Variants in BRAT1 observed in about 807,000 individuals in gnomAD.
The protein encoded by BRAT1 is integrator complex assembly factor BRAT1.
In BRAT1, 74 loss-of-function variants were observed where a neutral mutation model predicts 70.6. That is an observed-to-expected ratio of 1.05 (90% CI 0.87 to 1.27). BRAT1 has a LOEUF of 1.27. BRAT1 is among the 50% of genes most tolerant of loss of function. BRAT1 has a pLI of 0.00. For synonymous variants in BRAT1, 615 were observed against 517.1 expected, an observed-to-expected ratio of 1.19 and a Z score of -2.57; for missense variants, 1,203 against 1,098.2, an observed-to-expected ratio of 1.10 and a Z score of -1.35.
At position 2,542,447 on chromosome 7, in the gene BRAT1, G is replaced by A. The variant is rs77542618; in HGVS notation, c.924-236C>T. The A allele has an allele frequency of 0.039, 22,194 of 564,558 alleles. 604 individuals carry two copies. The highest frequency in any genetic ancestry group is 0.08 in the South Asian group (3,956 of 49,152). The allele number at this position is 564,558 out of a possible 1,614,324, so 35.0% of individuals were successfully genotyped here. ...ATGTCCTTAGGAGCAGATACTGAGG[G>A]GCCTCCAGGAGGGCCTGGCCATGCA... On this transcript the variant is annotated intron_variant, in intron 6 of 13. Coordinates refer to ENST00000340611, the MANE Select transcript of BRAT1 (RefSeq NM_152743.4).
Position 2,547,359 on chromosome 7 carries a change from A to G in BRAT1, c.247T>C (p.Phe83Leu), listed in dbSNP as rs1779690981. 1 of 1,614,116 alleles carries G rather than the reference A, an allele frequency of 6.2e-7. No individual in the cohort carries two copies. The highest frequency in any genetic ancestry group is 8.5e-7 in the Non-Finnish European group (1 of 1,180,006). ...LSFSLRLAGT[F>L]AAQENCFQYL... Reference sequence around the variant, plus strand: ...TGGAAGCAGTTTTCCTGGGCTGCGAAGGTTCCTGCCAGGCGCAGTGAGAAG... The same window carrying G: ...TGGAAGCAGTTTTCCTGGGCTGCGAGGGTTCCTGCCAGGCGCAGTGAGAAG... Residue 83 changes from phenylalanine to leucine, a missense_variant, in exon 3 of 14, where the codon TTC becomes CTC. Transcript: ENST00000340611.
At chr7:2,551,682 A>G (rs1232128112) in intron 2 of BRAT1, among the ~76,000 whole-genome samples, 2 of 150,008 alleles carry the variant, frequency 1.3e-5, no homozygotes, top group Non-Finnish European at 3.0e-5. Flanking sequence ...CCTGGCTCAA[A>G]AAAAAAAAAA....
chr7:2,541,280 C>T lies in BRAT1; in HGVS notation c.1321+18G>A, dbSNP rs62442586. ...CACAGGGATAGCCCCACGCCAAAGC[C>T]GTACAGAACACACTCACCTGTCCCC... On this transcript the variant is annotated intron_variant, in intron 9 of 13. Transcript: ENST00000340611. 0.15 allele frequency: 237,376 copies of T among 1,553,632 alleles called. 20,044 individuals are homozygous for T. The highest frequency in any genetic ancestry group is 0.18 in the Admixed American group (9,536 of 52,590).
intron 11 of BRAT1, 46 bp downstream of exon 11, chr7:2,539,740 C>T (rs375052234): frequency 7.3e-5 from 114 of 1,567,666 alleles, no homozygotes; most frequent in Non-Finnish European, 9.5e-5. Context: ...GCTGCCTCCA[C>T]CCCTGCGACT....
At position 2,543,214 on chromosome 7, in the gene BRAT1, G is replaced by A. The variant is rs570920491; in HGVS notation, c.913C>T (p.Leu305Phe). Residue 305 changes from leucine to phenylalanine, a missense_variant, in exon 6 of 14, where the codon CTC (leucine) becomes TTC (phenylalanine). Transcript: ENST00000340611. The surrounding 1 kb of genome is among the most constrained non-coding windows in gnomAD (Gnocchi z 5.5). ...MGPLALGILK[L>F]EHCPQALRTQ... ...CACCCCAGACCATACCAGTGCTCGA[G>A]CTTCAGGATCCCCAAAGCCAGGGGT... is the stretch of plus-strand genomic sequence containing the variant. 1 of 1,605,982 alleles carries A rather than the reference G, an allele frequency of 6.2e-7. No homozygotes were observed. The highest frequency in any genetic ancestry group is 8.5e-7 in the Non-Finnish European group (1 of 1,176,398).
intron 11 of BRAT1, 66 bp downstream of exon 11, chr7:2,539,720 C>T (rs1447097855): frequency 1.3e-6 from 2 of 1,554,626 alleles, no homozygotes; most frequent in African/African-American, 2.7e-5. Context: ...AGCCATTCCA[C>T]CCAGCCCCTG....
rs758308165 is a variant in BRAT1 at position 2,538,662 on chromosome 7, C to T, written c.1873G>A (p.Ala625Thr). Residue 625 changes from alanine (A) to threonine (T), a missense_variant, in exon 14 of 14, where the codon GCC (alanine) becomes ACC (threonine). Coordinates refer to ENST00000340611, the MANE Select transcript of BRAT1 (RefSeq NM_152743.4). ...VFTEWLRDGHADAAQDTEQFV... is the reference protein window; with the variant it reads ...VFTEWLRDGHTDAAQDTEQFV... ...TGCTCCGTGTCCTGGGCCGCGTCGG[C>T]GTGGCCGTCCCGCAGCCACTCAGTG... The T allele has an allele frequency of 5.6e-6, 9 of 1,598,322 alleles. No homozygotes were observed. The highest frequency in any genetic ancestry group is 4.5e-5 in the East Asian group (2 of 44,856).
chr7:2,542,843 C>G (rs929290839), intron 6 of BRAT1: 2 of 178,692 alleles, frequency 1.1e-5, no homozygotes, highest in East Asian at 3.3e-4. Flanking sequence ...GCCCCCCACC[C>G]GCATGGTGTG....
At position 2,539,168 on chromosome 7, in the gene BRAT1, C is replaced by T; in HGVS notation, c.1770+11G>A. ...CGGGAGTTGCTGGCTGAGGAACCTG[C>T]CACCTCCTACCTGCCGGGCCTCTGC... On this transcript the variant is annotated intron_variant, in intron 13 of 13. Coordinates refer to ENST00000340611, the MANE Select transcript of BRAT1 (RefSeq NM_152743.4). 6.3e-7 allele frequency: 1 copy of T among 1,585,448 alleles called. No individual in the cohort carries two copies. The highest frequency in any genetic ancestry group is 8.6e-7 in the Non-Finnish European group (1 of 1,162,528).
At position 2,542,134 on chromosome 7, in the gene BRAT1, G is replaced by T; in HGVS notation, c.1001C>A (p.Ala334Asp). Residue 334 changes from alanine (A) to aspartate (D), a missense_variant, in exon 7 of 14, where the codon GCC (alanine) becomes GAC (aspartate). Transcript: ENST00000340611. ...AAGCAGCACACCTGGGGGTCCGGGG[G>T]CCTGAACCGTGGCCTTCAGGACACA... ...LACVLKATVQ[A>D]PGPPGLLDGT... 1 of 1,561,742 alleles carries T rather than the reference G, an allele frequency of 6.4e-7. No individual in the cohort carries two copies.
In BRAT1 at chr7:2,537,870, C is replaced by A; in HGVS notation, c.*199G>T. 2 of 853,912 alleles carry A rather than the reference C, an allele frequency of 2.3e-6. No individual in the cohort carries two copies. The highest frequency in any genetic ancestry group is 1.7e-5 in the African/African-American group (1 of 57,676). 52.9% of individuals were successfully genotyped at this position (853,912 alleles called of 1,614,324 possible). On this transcript the variant is annotated 3_prime_UTR_variant, in exon 14 of 14. Coordinates refer to ENST00000340611, the MANE Select transcript of BRAT1 (RefSeq NM_152743.4). ...AAAGGGTTAAAGAAAGACTTCAATG[C>A]CATTTATTTTGAGTAGAAATAAGTC...
chr7:2,544,777 T>C, intron 4 of BRAT1, 132 bp downstream of exon 4: 1 of 1,361,716 alleles, frequency 7.3e-7, no homozygotes, highest in Non-Finnish European at 9.8e-7. Flanking sequence ...ACAGCCGTAC[T>C]GTCACAGTGC....
At chr7:2,545,967 G>A (rs1341872420) in intron 3 of BRAT1, among the ~76,000 whole-genome samples, 1 of 152,242 alleles carries the variant, frequency 6.6e-6, no homozygotes, top group Non-Finnish European at 1.5e-5. Flanking sequence ...AACGGTACTG[G>A]ATGTGCCTTC....
In BRAT1 at chr7:2,543,125, T is replaced by A; in HGVS notation, c.923+79A>T. ...CCTGGTGTCCGGAACTCCCCTGCCA[T>A]GAGGGCTGCGCTCTCAACCTCCCTG... On this transcript the variant is annotated intron_variant, in intron 6 of 13. Coordinates refer to ENST00000340611, the MANE Select transcript of BRAT1 (RefSeq NM_152743.4). The surrounding 1 kb of genome is among the most constrained non-coding windows in gnomAD (Gnocchi z 5.5). 6.8e-7 allele frequency: 1 copy of A among 1,465,642 alleles called. No individual in the cohort carries two copies. Among genetic ancestry groups the A allele is most frequent in the Non-Finnish European group, 9.1e-7 (1 of 1,104,692 alleles). 90.8% of individuals were successfully genotyped at this position (1,465,642 alleles called of 1,614,324 possible).
chr7:2,543,120 T>G lies in BRAT1; in HGVS notation c.923+84A>C. 2 of 1,455,000 alleles carry G rather than the reference T, an allele frequency of 1.4e-6. No homozygotes were observed. Among genetic ancestry groups the G allele is most frequent in the Admixed American group, 2.5e-5 (1 of 39,554 alleles). The allele number at this position is 1,455,000 out of a possible 1,614,324, so 90.1% of individuals were successfully genotyped here. On this transcript the variant is annotated intron_variant, in intron 6 of 13. Coordinates refer to ENST00000340611, the MANE Select transcript of BRAT1 (RefSeq NM_152743.4). This position sits in a 1 kb window ranked among gnomAD's most constrained non-coding sequence, Gnocchi z 5.5. The stretch of plus-strand genomic sequence containing the variant: ...CTGTCCCTGGTGTCCGGAACTCCCC[T>G]GCCATGAGGGCTGCGCTCTCAACCT...
At position 2,538,181 on chromosome 7, in the gene BRAT1, C is replaced by T. The variant is rs755802114; in HGVS notation, c.2354G>A (p.Arg785Gln). 3.0e-5 allele frequency: 48 copies of T among 1,609,476 alleles called. No individual in the cohort carries two copies. Among genetic ancestry groups the T allele is most frequent in the African/African-American group, 4.0e-5 (3 of 75,016 alleles). ...GTCGCTGCTCTCGGCCAGCGTGCTC[C>T]GCAGGCCCTCCAGGTCTAGGGACCT... ...MLRSLDLEGL[R>Q]STLAESSDHV... is the part of the protein sequence containing the mutation. Residue 785 changes from arginine (R) to glutamine (Q), a missense_variant, in exon 14 of 14, where the codon CGG becomes CAG. Coordinates refer to ENST00000340611, the MANE Select transcript of BRAT1 (RefSeq NM_152743.4).
Position 2,554,414 on chromosome 7 carries a change from G to C in BRAT1, c.18C>G (p.Ala6=). ...CAGCACAGAGAGCCGGGAGCAGCTG[G>C]GCGCATTCTGGGTCCATGGTGAGGC... MDPEC[A]QLLPALCAVL... is the part of the protein sequence containing the mutation. The change falls in exon 2 of 14, where the codon GCC becomes GCG. Residue 6 remains alanine (A), a synonymous_variant. Transcript: ENST00000340611. The C allele has an allele frequency of 1.9e-6, 3 of 1,613,688 alleles. No homozygotes were observed. The highest frequency in any genetic ancestry group is 2.5e-6 in the Non-Finnish European group (3 of 1,179,860).
intron 1 of BRAT1, among the ~76,000 whole-genome samples, chr7:2,554,668 G>A (rs1466750409): frequency 6.6e-6 from 1 of 152,240 alleles, no homozygotes; most frequent in African/African-American, 2.4e-5. Flanking sequence ...GGGGCTGAAA[G>A]GGGCAGATGA....
In BRAT1 at chr7:2,541,830, A is replaced by G; in HGVS notation, c.1022T>C (p.Leu341Pro). The G allele has an allele frequency of 1.2e-6, 2 of 1,612,766 alleles. No individual in the cohort carries two copies. The highest frequency in any genetic ancestry group is 1.3e-5 in the African/African-American group (1 of 75,018). ...CGTGGCATCGTCTGCCGTCCCGTCC[A>G]GCAAGCCTGGGGGCCAAGCCAGGAA... Reference protein sequence around the residue: ...TVQAPGPPGLLDGTADDATTV... With the variant: ...TVQAPGPPGLPDGTADDATTV... The change falls in exon 8 of 14, where the codon CTG becomes CCG. Residue 341 changes from leucine (L) to proline (P), a missense_variant. Leu to Pro is a moderately conservative substitution (Grantham distance 98). Transcript: ENST00000340611.
Sources: allele counts gnomAD v4.1 joint callset (sites outside exome capture counted in the v4.1 genomes callset), GRCh38; gene constraint gnomAD v4.1.1; non-coding constraint Gnocchi (gnomAD v3.1); transcripts MANE v1.5; gene names NCBI Gene and HGNC (gene_info 2026-07-23, HGNC 2026-07-21).